Variants in CFAP74 observed in about 807,000 individuals in gnomAD.
CFAP74 encodes the protein cilia and flagella associated protein 74, also known as cilia- and flagella-associated protein 74.
A neutral mutation model predicts 188.9 loss-of-function variants in CFAP74; 124 were observed. That is an observed-to-expected ratio of 0.66 (90% confidence interval 0.57 to 0.76). The LOEUF is 0.76. Among genes scored for constraint, CFAP74 ranks in the 30% least tolerant of loss-of-function variants. The probability of loss-of-function intolerance (pLI) is 0.00; values close to 1 mark genes in which losing one functional copy is unlikely to be tolerated. For missense variants in CFAP74, 2,198 were observed against 2,165.2 expected (o/e 1.02, Z -0.30); for synonymous variants, 956 against 916.7 (o/e 1.04, Z -0.77).
Position 1,934,941 on chromosome 1 carries a change from ACGTGGG to A in CFAP74, c.3011+3908_3011+3913del, listed in dbSNP as rs1652760140. On this transcript the variant is annotated intron_variant, in intron 25 of 38. Coordinates refer to ENST00000682832, the MANE Select transcript of CFAP74 (RefSeq NM_001304360.2). The stretch of plus-strand genomic sequence containing the variant: ...TTAGGTTGTAGGTACACAGGTGTGT[ACGTGGG>A]TGTTAGGTTGTAGGTACACGTGTGT... Among the ~76,000 whole-genome samples, 58 of 76,556 alleles carry A rather than the reference ACGTGGG, an allele frequency of 7.6e-4. 9 individuals are homozygous for A. The highest frequency in any genetic ancestry group is 2.7e-3 in the African/African-American group (54 of 20,086). The allele number at this position is 76,556 out of a possible 152,430, so 50.2% of individuals were successfully genotyped here. A position where few individuals can be genotyped will look rare whatever the true frequency, so the allele number is the denominator to read the frequency against.
rs576794998 is a variant in CFAP74 at position 1,993,369 on chromosome 1, C to T, written c.-19-2394G>A. Among the ~76,000 whole-genome samples the T allele has an allele frequency of 4.0e-5, 6 of 151,856 alleles. No individual in the cohort carries two copies. The South Asian group carries it at 6.3e-4, about 16-fold the overall frequency. On this transcript the variant is annotated intron_variant, in intron 1 of 38. Transcript: ENST00000682832. Reference sequence around the variant, plus strand: ...GTGCGATCACAGCTCACTGCAGCCTCCAACTCCTGGGCTCAATTGATCCTC... The same window carrying T: ...GTGCGATCACAGCTCACTGCAGCCTTCAACTCCTGGGCTCAATTGATCCTC...
chr1:1,999,426 G>A (rs1571004254), intron 1 of CFAP74, among the ~76,000 whole-genome samples: 1 of 152,276 alleles, frequency 6.6e-6, no homozygotes, highest in East Asian at 1.9e-4. Context: ...TGGGGGGTGG[G>A]AATGGAGCCT....
At chr1:1,955,372 A>C in intron 18 of CFAP74, 1 of 1,356,756 alleles carries the variant, frequency 7.4e-7, no homozygotes, top group South Asian at 1.2e-5. Context: ...AGCCCCCCGC[A>C]GCCCGGCCCC....
rs535310566 is a variant in CFAP74 at position 1,975,016 on chromosome 1, G to A, written c.501-818C>T. Among the ~76,000 whole-genome samples the A allele has an allele frequency of 7.2e-5, 11 of 152,362 alleles. No homozygotes were observed. Among genetic ancestry groups the A allele is most frequent in the African/African-American group, 2.6e-4 (11 of 41,588 alleles). On this transcript the variant is annotated intron_variant, in intron 6 of 38. Coordinates refer to ENST00000682832, the MANE Select transcript of CFAP74 (RefSeq NM_001304360.2). This position sits in a 1 kb window ranked among gnomAD's most constrained non-coding sequence, Gnocchi z 4.5. ...AGAGATGCGGCTCAGGCCGGGGCTG[G>A]CCACGCGAGGATCAGAACCCTGGAC...
chr1:1,970,015 G>A (rs972458380), intron 10 of CFAP74, among the ~76,000 whole-genome samples: 14 of 152,184 alleles, frequency 9.2e-5, no homozygotes, highest in Admixed American at 2.0e-4. Context: ...GAGACTGAGC[G>A]GGAGAGAGGG....
chr1:1,926,291 G>T lies in CFAP74; in HGVS notation c.3885C>A (p.Ser1295Arg), dbSNP rs1472625379. 1.9e-6 allele frequency: 3 copies of T among 1,546,332 alleles called. No individual in the cohort carries two copies. The highest frequency in any genetic ancestry group is 2.6e-6 in the Non-Finnish European group (3 of 1,144,658). Residue 1295 changes from serine (S) to arginine (R), a missense_variant, in exon 32 of 39, where the codon AGC becomes AGA. By Grantham distance (110) the Ser-to-Arg change is moderately radical. Coordinates refer to ENST00000682832, the MANE Select transcript of CFAP74 (RefSeq NM_001304360.2). The part of the protein sequence containing the change: ...NGPFVLLNHS[S>R]LLRAGGTQVL... Reference sequence around the variant, plus strand: ...CCTGGGTCCCACCTGCACGCAGCAGGCTGGAGTGGTTCAGCAGGACAAAGG... The same window carrying T: ...CCTGGGTCCCACCTGCACGCAGCAGTCTGGAGTGGTTCAGCAGGACAAAGG...
chr1:1,994,883 T>C (rs527685107), intron 1 of CFAP74, among the ~76,000 whole-genome samples: 5 of 152,232 alleles, frequency 3.3e-5, no homozygotes, highest in East Asian at 3.9e-4. Flanking sequence ...GCAAGGGTCA[T>C]TGGGAGAAAC....
chr1:1,959,915 C>A, intron 15 of CFAP74, 49 bp downstream of exon 15: 1 of 1,497,894 alleles, frequency 6.7e-7, no homozygotes. Flanking sequence ...TCACAGGCTC[C>A]ACCCACCACC....
chr1:1,977,624 CT>C (rs1236277750), intron 6 of CFAP74, among the ~76,000 whole-genome samples: 4 of 152,210 alleles, frequency 2.6e-5, no homozygotes, highest in African/African-American at 9.6e-5. Flanking sequence ...AATTCCAACC[CT>C]GCCAGACCGC....
In CFAP74 at chr1:1,938,884, G is replaced by C. The variant is rs1280419467; in HGVS notation, c.2982C>G (p.Phe994Leu). 1 of 1,536,082 alleles carries C rather than the reference G, an allele frequency of 6.5e-7. No individual in the cohort carries two copies. Among genetic ancestry groups the C allele is most frequent in the East Asian group, 2.4e-5 (1 of 40,928 alleles). Residue 994 changes from phenylalanine (F) to leucine (L), a missense_variant, in exon 25 of 39, where the codon TTC becomes TTG. Physicochemically the swap from Phe to Leu is conservative, Grantham distance 22. Coordinates refer to ENST00000682832, the MANE Select transcript of CFAP74 (RefSeq NM_001304360.2). Reference protein sequence around the residue: ...FQPTKAEEHRFQLTCKSEINR... With the variant: ...FQPTKAEEHRLQLTCKSEINR... Reference sequence around the variant, plus strand: ...TGATCTCAGACTTGCAGGTCAGTTGGAATCTGTGTTCCTCGGCCTTGGTGG... The same window carrying C: ...TGATCTCAGACTTGCAGGTCAGTTGCAATCTGTGTTCCTCGGCCTTGGTGG...
chr1:1,946,920 AGCTGGG>A, intron 19 of CFAP74, 64 bp downstream of exon 19: 1 of 1,243,726 alleles, frequency 8.0e-7, no homozygotes, highest in Non-Finnish European at 1.1e-6. Flanking sequence ...GTTGGGGTGC[AGCTGGG>A]GCTGGGGGAA....
At chr1:1,949,418 G>A (rs1654066038) in intron 18 of CFAP74, among the ~76,000 whole-genome samples, 1 of 152,072 alleles carries the variant, frequency 6.6e-6, no homozygotes, top group African/African-American at 2.4e-5. Flanking sequence ...GCCTCCCAAA[G>A]TGCTGGGATT....
chr1:2,002,171 T>C lies in CFAP74; in HGVS notation c.-20+1530A>G, dbSNP rs1031193650. Among the ~76,000 whole-genome samples the C allele has an allele frequency of 3.3e-5, 5 of 152,236 alleles. No homozygotes were observed. The East Asian group carries it at 9.7e-4, about 29-fold the overall frequency. ...TACAAGGGTGGGGGGCGACAGAGCA[T>C]CATGAAGGCAACTTACTCTCAAATC... On this transcript the variant is annotated intron_variant, in intron 1 of 38. Coordinates refer to ENST00000682832, the MANE Select transcript of CFAP74 (RefSeq NM_001304360.2).
intron 1 of CFAP74, among the ~76,000 whole-genome samples, chr1:1,993,964 A>G (rs941994174): frequency 4.6e-5 from 7 of 151,344 alleles, no homozygotes; most frequent in African/African-American, 7.3e-5. Context: ...CCTGGGCGAC[A>G]GAGCAAGACT....
intron 16 of CFAP74, among the ~76,000 whole-genome samples, chr1:1,957,451 G>T (rs1482594876): frequency 1.3e-5 from 2 of 152,298 alleles, no homozygotes; most frequent in Middle Eastern, 3.4e-3. Flanking sequence ...CCTCCTTCCC[G>T]CCTGCACCGC....
intron 15 of CFAP74, 61 bp downstream of exon 15, chr1:1,959,903 G>A (rs1432433961): frequency 1.2e-5 from 17 of 1,437,854 alleles, no homozygotes; most frequent in South Asian, 5.3e-5. Flanking sequence ...CACCATGCCC[G>A]ATCACAGGCT....
chr1:1,984,150 C>A (rs370493282), intron 6 of CFAP74: 1 of 152,186 alleles, frequency 6.6e-6, no homozygotes, highest in African/African-American at 2.4e-5. Flanking sequence ...TGCACCACCA[C>A]GCCCAGTTAA....
chr1:1,946,218 G>A (rs1052927918), intron 20 of CFAP74, 99 bp downstream of exon 20: 9 of 1,409,610 alleles, frequency 6.4e-6, no homozygotes, highest in African/African-American at 2.9e-5. Context: ...CCATCCCTGC[G>A]TGGGCAAATG....
At chr1:1,927,127 G>GGGTCCCAA in intron 28 of CFAP74, 99 bp from the exon 29 acceptor site, 2 of 1,420,974 alleles carry the variant, frequency 1.4e-6, no homozygotes, top group Non-Finnish European at 1.9e-6. Flanking sequence ...CAGGGTCCCA[G>GGGTCCCAA]GGTCCCAAGC....
Sources: allele counts gnomAD v4.1 joint callset (sites outside exome capture counted in the v4.1 genomes callset), GRCh38; gene constraint gnomAD v4.1.1; non-coding constraint Gnocchi (gnomAD v3.1); transcripts MANE v1.5; gene names NCBI Gene and HGNC (gene_info 2026-07-23, HGNC 2026-07-21).